CSMD1: variants seen among roughly 807,000 people sequenced by gnomAD.
The protein encoded by CSMD1 is CUB and Sushi multiple domains 1.
CSMD1 carries 213 observed loss-of-function variants against 417.5 expected under a neutral mutation model. The observed-to-expected ratio is 0.51, with a 90% CI of 0.46 to 0.57. CSMD1 has a LOEUF of 0.57. CSMD1 is among the 20% of genes least tolerant of loss of function. The pLI is 0.00. For missense variants in CSMD1, 6,923 were observed against 4,529.7 expected, an observed-to-expected ratio of 1.53 and a Z score of -15.17; for synonymous variants, 2,862 against 1,736.8, an observed-to-expected ratio of 1.65 and a Z score of -16.11.
chr8:3,907,083 C>G (rs928601727), intron 5 of CSMD1, among the ~76,000 whole-genome samples: 12 of 152,252 alleles, frequency 7.9e-5, no homozygotes, highest in South Asian at 6.2e-4. Flanking sequence ...GTAATCACAT[C>G]CCATGACTCA....
chr8:4,124,493 C>A (rs1223333839), intron 3 of CSMD1, among the ~76,000 whole-genome samples: 1 of 152,172 alleles, frequency 6.6e-6, no homozygotes, highest in African/African-American at 2.4e-5. Context: ...GGTGAAATCA[C>A]CAACTGCCCC....
At chr8:3,299,789 T>C (rs746790490) in intron 25 of CSMD1, among the ~76,000 whole-genome samples, 1 of 152,168 alleles carries the variant, frequency 6.6e-6, no homozygotes, top group African/African-American at 2.4e-5. Context: ...ATATAACCAA[T>C]AAAATGTTTG....
rs530152855 is a variant in CSMD1 at position 3,772,655 on chromosome 8, A to G, written c.819-18613T>C. 2.0e-4 allele frequency among the ~76,000 whole-genome samples: 29 copies of G among 145,736 alleles called. 1 individual carries two copies. The East Asian group carries it at 4.9e-3, about 25-fold the overall frequency. On this transcript the variant is annotated intron_variant, in intron 5 of 69. Transcript: ENST00000635120. Reference sequence around the variant, plus strand: ...TATATTTATATACATATATACATATATACATACATTTATATATACATATAT... The same window carrying G: ...TATATTTATATACATATATACATATGTACATACATTTATATATACATATAT...
At chr8:3,833,842 T>G (rs1447353373) in intron 5 of CSMD1, among the ~76,000 whole-genome samples, 2 of 152,136 alleles carry the variant, frequency 1.3e-5, no homozygotes, top group Non-Finnish European at 1.5e-5. Context: ...ATAAGACGTT[T>G]TTCTTTAACT....
chr8:3,206,273 G>A (rs1316125630), intron 30 of CSMD1, among the ~76,000 whole-genome samples: 1 of 136,012 alleles, frequency 7.4e-6, no homozygotes, highest in Non-Finnish European at 1.6e-5. Context: ...GGGGGGGTAT[G>A]TCTCTGTGTG....
intron 22 of CSMD1, among the ~76,000 whole-genome samples, chr8:3,345,968 T>C (rs1382750607): frequency 6.6e-6 from 1 of 152,360 alleles, no homozygotes; most frequent in Non-Finnish European, 1.5e-5. Context: ...GAAAACATCA[T>C]GTTTATTTAC....
chr8:3,227,265 G>A (rs1051619683), intron 27 of CSMD1, among the ~76,000 whole-genome samples: 1 of 152,044 alleles, frequency 6.6e-6, no homozygotes, highest in Non-Finnish European at 1.5e-5. Flanking sequence ...GCCGGGCTTG[G>A]TGGTGGGCGC....
chr8:4,140,614 G>A lies in CSMD1; in HGVS notation c.416-108515C>T, dbSNP rs540444366. Among the ~76,000 whole-genome samples the A allele has an allele frequency of 1.9e-3, 294 of 151,058 alleles. 25 individuals are homozygous for A. Among genetic ancestry groups the A allele is most frequent in the African/African-American group, 7.1e-3 (286 of 40,386 alleles). The stretch of plus-strand genomic sequence containing the variant: ...ACCCAAGAGGTCAAGGCTGCAGTGA[G>A]CCATGATTGCGCCACTGCACTCCAG... On this transcript the variant is annotated intron_variant, in intron 3 of 69. Transcript: ENST00000635120.
At chr8:4,167,915 G>T (rs984892349) in intron 3 of CSMD1, among the ~76,000 whole-genome samples, 1 of 151,868 alleles carries the variant, frequency 6.6e-6, no homozygotes, top group Admixed American at 6.6e-5. Context: ...ACTGCCTGAG[G>T]TCAGGAGTTC....
intron 55 of CSMD1, 38 bp downstream of exon 55, chr8:2,978,574 G>C (rs745731245): frequency 1.3e-6 from 2 of 1,488,566 alleles, no homozygotes; most frequent in Non-Finnish European, 1.8e-6. Context: ...GACCTTGCAG[G>C]GGTCTCTGCA....
chr8:3,365,182 T>C (rs758794114), intron 20 of CSMD1, among the ~76,000 whole-genome samples: 2 of 152,174 alleles, frequency 1.3e-5, no homozygotes, highest in Non-Finnish European at 2.9e-5. Flanking sequence ...GTCTTTGATA[T>C]ATAAAGTGGC....
chr8:4,078,861 A>C (rs2740934), intron 3 of CSMD1, among the ~76,000 whole-genome samples: 102,528 of 138,748 alleles, frequency 0.74, 38,441 homozygotes, highest in South Asian at 0.83. Flanking sequence ...CGTAGTGAAA[A>C]CCTGTCTCTA....
rs147269824 is a variant in CSMD1, at chr8:3,810,142, AACTG to A, written c.819-56104_819-56101del. On this transcript the variant is annotated intron_variant, in intron 5 of 69. Transcript: ENST00000635120. ...TTTGCCAAGAGTGCTCCCAGGCCCC[AACTG>A]ACTATCATAGTGCCAGGCATATAGC... is the stretch of plus-strand genomic sequence containing the variant. 1.7e-3 allele frequency among the ~76,000 whole-genome samples: 261 copies of A among 152,274 alleles called. 1 individual carries two copies. Among genetic ancestry groups the A allele is most frequent in the African/African-American group, 6.1e-3 (255 of 41,566 alleles).
At chr8:3,849,821 G>GTTTTT (rs1554460606) in intron 5 of CSMD1, among the ~76,000 whole-genome samples, 8 of 151,070 alleles carry the variant, frequency 5.3e-5, no homozygotes, top group African/African-American at 1.7e-4. Context: ...TTTTTTGTTT[G>GTTTTT]GTTTTTGTTT....
chr8:4,123,503 CGG>C, intron 3 of CSMD1, among the ~76,000 whole-genome samples: 1 of 152,176 alleles, frequency 6.6e-6, no homozygotes, highest in South Asian at 2.1e-4. Context: ...TTAGAAGATT[CGG>C]GACTGTGTTT....
In CSMD1 at chr8:3,382,093, A is replaced by G. The variant is rs569094452; in HGVS notation, c.2782+5401T>C. Reference sequence around the variant, plus strand: ...GCCAACATGGCAAAACCCTGTCTCTACTAAAAAATACAAAAATTAGCTGGG... The same window carrying G: ...GCCAACATGGCAAAACCCTGTCTCTGCTAAAAAATACAAAAATTAGCTGGG... On this transcript the variant is annotated intron_variant, in intron 18 of 69. Coordinates refer to ENST00000635120, the MANE Select transcript of CSMD1 (RefSeq NM_033225.6). Among the ~76,000 whole-genome samples, 268 of 152,144 alleles carry G rather than the reference A, an allele frequency of 1.8e-3. 1 individual carries two copies. Among genetic ancestry groups the G allele is most frequent in the Non-Finnish European group, 3.0e-3 (204 of 68,000 alleles).
At chr8:4,290,336 C>A (rs1797290781) in intron 3 of CSMD1, among the ~76,000 whole-genome samples, 1 of 152,168 alleles carries the variant, frequency 6.6e-6, no homozygotes, top group African/African-American at 2.4e-5. Flanking sequence ...AATTTCTACA[C>A]AGTAATGCTC....
Position 3,469,912 on chromosome 8 carries a change from C to A in CSMD1, c.1449-1088G>T, listed in dbSNP as rs141611955. On this transcript the variant is annotated intron_variant, in intron 11 of 69. Transcript: ENST00000635120. The stretch of plus-strand genomic sequence containing the variant: ...TCTGAAGATTTGTCTTCGTTGGCAA[C>A]ATTGTTCTTTTTCATTTGCTTGTTT... Among the ~76,000 whole-genome samples, 288 of 152,326 alleles carry A rather than the reference C, an allele frequency of 1.9e-3. 2 individuals are homozygous for A. The highest frequency in any genetic ancestry group is 6.5e-3 in the African/African-American group (269 of 41,576).
chr8:4,095,034 A>G (rs7830014), intron 3 of CSMD1, among the ~76,000 whole-genome samples: 2 of 152,144 alleles, frequency 1.3e-5, no homozygotes, highest in Admixed American at 1.3e-4. Flanking sequence ...AGATCTTGAG[A>G]AAGTCATGTA....
Sources: gnomAD v4.1 joint callset for allele counts (sites outside exome capture counted in the v4.1 genomes callset) on GRCh38, gnomAD v4.1.1 for gene constraint, MANE v1.5 for transcripts, NCBI Gene and HGNC (gene_info 2026-07-23, HGNC 2026-07-21) for gene names.